Variants in RNF217 observed in about 807,000 individuals in gnomAD.
RNF217 encodes the protein E3 ubiquitin-protein ligase RNF217.
RNF217 carries 31 observed loss-of-function variants against 57.8 expected under a neutral mutation model. The ratio of observed to expected loss-of-function variants is 0.54; its 90% CI spans 0.40 to 0.72. The LOEUF is 0.72. RNF217 is among the 30% of genes least tolerant of loss of function. The pLI, the probability that RNF217 is intolerant of heterozygous loss-of-function variation, is 0.00. For synonymous variants in RNF217, 313 were observed against 294.0 expected, an observed-to-expected ratio of 1.06 and a Z score of -0.66; for missense variants, 696 against 708.3, an observed-to-expected ratio of 0.98 and a Z score of 0.20.
At chr6:125,056,572 T>C (rs1787531311) in intron 2 of RNF217, among the ~76,000 whole-genome samples, 1 of 152,204 alleles carries the variant, frequency 6.6e-6, no homozygotes, top group Admixed American at 6.5e-5. Flanking sequence ...ACAGAAGAGC[T>C]GTGATTGTAA....
At chr6:124,989,374 C>T (rs1377057157) in intron 1 of RNF217, among the ~76,000 whole-genome samples, 1 of 152,078 alleles carries the variant, frequency 6.6e-6, no homozygotes, top group Non-Finnish European at 1.5e-5. Flanking sequence ...TATCTTCTTT[C>T]TTCTTTTGAC....
chr6:124,963,680 CCCT>C (rs1179936127), intron 1 of RNF217, among the ~76,000 whole-genome samples: 10 of 152,206 alleles, frequency 6.6e-5, no homozygotes, highest in Non-Finnish European at 1.3e-4. Flanking sequence ...CAAGTTGTTG[CCCT>C]CCTCTTATTT....
chr6:125,063,667 G>T (rs1053858475), intron 3 of RNF217, among the ~76,000 whole-genome samples: 1 of 131,462 alleles, frequency 7.6e-6, no homozygotes, highest in Non-Finnish European at 1.8e-5. Flanking sequence ...TTAAGGTTTT[G>T]CACAATAATT....
chr6:125,067,990 A>G (rs1582772392), intron 3 of RNF217, among the ~76,000 whole-genome samples: 1 of 152,204 alleles, frequency 6.6e-6, no homozygotes, highest in Non-Finnish European at 1.5e-5. Flanking sequence ...TGATTAAGTG[A>G]CACAGAGCTA....
chr6:124,967,380 A>G (rs1783585810), intron 1 of RNF217, among the ~76,000 whole-genome samples: 1 of 152,040 alleles, frequency 6.6e-6, no homozygotes, highest in South Asian at 2.1e-4. Context: ...TTCCACCAAT[A>G]TTTTTCTTTT....
At position 125,025,529 on chromosome 6, in the gene RNF217, G is replaced by A. The variant is rs184075064; in HGVS notation, c.883-19682G>A. 3.9e-3 allele frequency among the ~76,000 whole-genome samples: 570 copies of A among 145,198 alleles called. 2 individuals are homozygous for A. Among genetic ancestry groups the A allele is most frequent in the Non-Finnish European group, 6.8e-3 (447 of 66,206 alleles). On this transcript the variant is annotated intron_variant, in intron 1 of 5. Transcript: ENST00000521654. ...TGCTTTCTACCGAGGAGGGAGGGAG[G>A]AAGGGATATTTCCAAAGGAAGGAAG...
intron 1 of RNF217, among the ~76,000 whole-genome samples, chr6:125,007,395 G>A (rs750462662): frequency 8.6e-5 from 13 of 151,772 alleles, no homozygotes; most frequent in East Asian, 1.9e-4. Flanking sequence ...ATAGGCATGC[G>A]CCACCAAGCC....
chr6:125,003,095 A>AAC (rs1193692648), intron 1 of RNF217, among the ~76,000 whole-genome samples: 2 of 151,942 alleles, frequency 1.3e-5, no homozygotes, highest in African/African-American at 2.4e-5. Flanking sequence ...TGTCATTTTA[A>AAC]ACACACACGC....
chr6:125,081,661 T>C (rs1788580758), intron 5 of RNF217, among the ~76,000 whole-genome samples, 154 bp downstream of exon 5: 1 of 152,100 alleles, frequency 6.6e-6, no homozygotes, highest in Admixed American at 6.6e-5. Context: ...ATTTAAAAGG[T>C]CAGAGGAGCG....
intron 1 of RNF217, chr6:124,996,595 G>GA (rs891797747): frequency 1.3e-5 from 2 of 152,062 alleles, no homozygotes; most frequent in African/African-American, 4.8e-5. Context: ...ATTGGCTCTT[G>GA]AAGGCAAACT....
intron 2 of RNF217, among the ~76,000 whole-genome samples, chr6:125,051,757 G>A (rs1162053304): frequency 6.6e-6 from 1 of 151,974 alleles, no homozygotes; most frequent in African/African-American, 2.4e-5. Flanking sequence ...GCTACTTTAT[G>A]TGGGTACCTC....
At chr6:125,033,928 C>G (rs1183682007) in intron 1 of RNF217, among the ~76,000 whole-genome samples, 2 of 151,938 alleles carry the variant, frequency 1.3e-5, no homozygotes, top group Non-Finnish European at 2.9e-5. Flanking sequence ...TTTTGATTTG[C>G]ATTTCTCTGA....
At chr6:125,008,590 A>G (rs1785286011) in intron 1 of RNF217, among the ~76,000 whole-genome samples, 1 of 152,158 alleles carries the variant, frequency 6.6e-6, no homozygotes, top group African/African-American at 2.4e-5. Flanking sequence ...CCCTTGACAA[A>G]GTGCTGATTA....
rs758034757 is a variant in RNF217, at chr6:125,057,962, A to G, written c.1137A>G (p.Gln379=). 5.3e-5 allele frequency: 86 copies of G among 1,611,116 alleles called. No individual in the cohort carries two copies. The highest frequency in any genetic ancestry group is 6.9e-5 in the Non-Finnish European group (81 of 1,178,450). ...SKYKIQCPTC[Q]FVWCFKCHSP... ...CACAGATCCAGTGCCCTACCTGCCA[A>G]TTCGTCTGGTGTTTTAAGTGCCACT... Residue 379 remains glutamine, a synonymous_variant, in exon 3 of 6, where the codon CAA becomes CAG. Coordinates refer to ENST00000521654, the MANE Select transcript of RNF217 (RefSeq NM_001286398.3).
intron 1 of RNF217, among the ~76,000 whole-genome samples, chr6:124,964,888 T>C (rs1272802749): frequency 6.6e-6 from 1 of 152,134 alleles, no homozygotes; most frequent in Non-Finnish European, 1.5e-5. Context: ...AAAAGAACAA[T>C]ACAAGGTAGC....
chr6:125,032,545 G>A (rs1308210696), intron 1 of RNF217, among the ~76,000 whole-genome samples: 1 of 151,642 alleles, frequency 6.6e-6, no homozygotes, highest in Non-Finnish European at 1.5e-5. Context: ...CTAACATTTG[G>A]GTTAAATATT....
intron 2 of RNF217, among the ~76,000 whole-genome samples, chr6:125,050,295 A>G (rs1787260230): frequency 1.3e-5 from 2 of 151,942 alleles, no homozygotes; most frequent in South Asian, 2.1e-4. Flanking sequence ...TTCTTCAGAC[A>G]AGACTAATAA....
At chr6:125,033,556 G>T (rs1270150033) in intron 1 of RNF217, among the ~76,000 whole-genome samples, 1 of 148,038 alleles carries the variant, frequency 6.8e-6, no homozygotes, top group African/African-American at 2.5e-5. Flanking sequence ...AGTATTCCAT[G>T]GTGTATATGT....
chr6:125,009,093 T>A, intron 1 of RNF217: 1 of 708,084 alleles, frequency 1.4e-6, no homozygotes, highest in Admixed American at 2.9e-5. Flanking sequence ...TGTGCTTTCC[T>A]GAACAGACGT....
Sources: gnomAD v4.1 joint callset for allele counts (sites outside exome capture counted in the v4.1 genomes callset) on GRCh38, gnomAD v4.1.1 for gene constraint, MANE v1.5 for transcripts, NCBI Gene and HGNC (gene_info 2026-07-23, HGNC 2026-07-21) for gene names.